The following PRC1 variants were observed in gnomAD, a reference collection of about 807,000 sequenced individuals.
PRC1 encodes anaphase spindle elongation 1 homolog.
A neutral mutation model predicts 91.2 loss-of-function variants in PRC1; 54 were observed. The ratio of observed to expected loss-of-function variants is 0.59; its 90% confidence interval spans 0.48 to 0.74. PRC1 has a LOEUF of 0.74. PRC1 is among the 30% of genes least tolerant of loss of function. The probability of loss-of-function intolerance (pLI) is 0.00; values close to 1 mark genes in which losing one functional copy is unlikely to be tolerated. For missense variants in PRC1, 727 were observed against 746.2 expected (o/e 0.97, Z 0.30); for synonymous variants, 275 against 263.6 (o/e 1.04, Z -0.42).
At chr15:90,994,286 C>T in intron 1 of PRC1, 121 bp downstream of exon 1, 2 of 1,483,460 alleles carry the variant, frequency 1.3e-6, no homozygotes, top group Non-Finnish European at 1.8e-6. Flanking sequence ...TCCCTCGGCG[C>T]CGACTGCCGT....
intron 11 of PRC1, among the ~76,000 whole-genome samples, chr15:90,972,287 G>A (rs903200582): frequency 1.3e-5 from 2 of 151,912 alleles, no homozygotes; most frequent in Middle Eastern, 3.4e-3. Flanking sequence ...GGGAGGCTGA[G>A]GTTAGAGAAT....
chr15:90,985,226 T>C (rs2039493837), intron 1 of PRC1, among the ~76,000 whole-genome samples: 1 of 152,082 alleles, frequency 6.6e-6, no homozygotes, highest in Admixed American at 6.5e-5. Flanking sequence ...TTGGTGTTTT[T>C]TTTTTGTTTT....
At chr15:90,981,717 C>T in intron 4 of PRC1, 31 bp downstream of exon 4, 5 of 1,608,924 alleles carry the variant, frequency 3.1e-6, no homozygotes, top group Non-Finnish European at 4.3e-6. Flanking sequence ...ACCAAAGTGA[C>T]TTTTAGGAAG....
intron 12 of PRC1, among the ~76,000 whole-genome samples, 173 bp downstream of exon 12, chr15:90,970,230 CA>C (rs1349268157): frequency 9.9e-5 from 15 of 152,168 alleles, no homozygotes; most frequent in Admixed American, 2.6e-4. Context: ...TCTTTTTTTG[CA>C]CGTTAGTTTT....
chr15:90,967,660 A>T, intron 14 of PRC1: 1 of 249,748 alleles, frequency 4.0e-6, no homozygotes, highest in Non-Finnish European at 6.5e-6. Context: ...ACAATTGCCT[A>T]CAGTATTCTT....
Position 90,991,786 on chromosome 15 carries a change from G to C in PRC1, c.11+2621C>G, listed in dbSNP as rs75154785. ...ACCACCACCAACTTCTTGCTGTATG[G>C]CAGGGGCCTCTTAACTGGTCTCCCG... On this transcript the variant is annotated intron_variant, in intron 1 of 14. Coordinates refer to ENST00000394249, the MANE Select transcript of PRC1 (RefSeq NM_003981.4). 9.0e-3 allele frequency among the ~76,000 whole-genome samples: 1,369 copies of C among 152,156 alleles called. 23 individuals carry two copies. Among genetic ancestry groups the C allele is most frequent in the African/African-American group, 0.031 (1,306 of 41,488 alleles).
intron 14 of PRC1, chr15:90,968,098 C>T (rs1244363500): frequency 1.0e-6 from 1 of 985,290 alleles, no homozygotes; most frequent in Non-Finnish European, 1.2e-6. Context: ...AGTCTATCAG[C>T]CATAGCAACC....
At chr15:90,971,890 T>C (rs890443387) in intron 11 of PRC1, among the ~76,000 whole-genome samples, 5 of 151,896 alleles carry the variant, frequency 3.3e-5, no homozygotes, top group Non-Finnish European at 5.9e-5. Flanking sequence ...TAGGTGGGCA[T>C]AGTGGCGCGG....
chr15:90,967,439 T>C (rs555361349), intron 14 of PRC1: 1 of 547,846 alleles, frequency 1.8e-6, no homozygotes, highest in East Asian at 3.1e-5. Context: ...AGCCAGTCCA[T>C]TCTGTTACAC....
chr15:90,984,633 G>C lies in PRC1; in HGVS notation c.144+60C>G. 6.3e-7 allele frequency: 1 copy of C among 1,592,132 alleles called. No homozygotes were observed. Among genetic ancestry groups the C allele is most frequent in the South Asian group, 1.1e-5 (1 of 89,204 alleles). ...ACATGTCCCTTCTGTATGCTATCTC[G>C]GGTGAGACACCAACATCCTTACCCT... is the stretch of plus-strand genomic sequence containing the variant. On this transcript the variant is annotated intron_variant, in intron 2 of 14. Transcript: ENST00000394249. The surrounding 1 kb of genome is among the most constrained non-coding windows in gnomAD (Gnocchi z 5.1).
intron 1 of PRC1, among the ~76,000 whole-genome samples, 186 bp downstream of exon 1, chr15:90,994,221 G>A (rs2040159732): frequency 6.6e-6 from 1 of 152,122 alleles, no homozygotes; most frequent in Admixed American, 6.5e-5. Context: ...TCTCACCGCC[G>A]CGGCCCTCGC....
At position 90,966,067 on chromosome 15, in the gene PRC1, AATTT is replaced by A. The variant is rs1347092986; in HGVS notation, c.*1060_*1063del. The A allele has an allele frequency of 6.6e-6, 1 of 152,248 alleles. No homozygotes were observed. The highest frequency in any genetic ancestry group is 2.4e-5 in the African/African-American group (1 of 41,446). 9.4% of individuals were successfully genotyped at this position (152,248 alleles called of 1,614,324 possible). A position where few individuals can be genotyped will look rare whatever the true frequency, so the allele number is the denominator to read the frequency against. On this transcript the variant is annotated 3_prime_UTR_variant, in exon 15 of 15. Coordinates refer to ENST00000394249, the MANE Select transcript of PRC1 (RefSeq NM_003981.4). ...TTTGAAATGTAAGTATACAGATTTTAATTTATTTTTAAGAATAATTGTATATTTT... is the reference window on the plus strand; with the variant it reads ...TTTGAAATGTAAGTATACAGATTTTAATTTTTAAGAATAATTGTATATTTT...
At chr15:90,990,394 T>A (rs927409984) in intron 1 of PRC1, among the ~76,000 whole-genome samples, 13 of 59,950 alleles carry the variant, frequency 2.2e-4, no homozygotes, top group African/African-American at 2.0e-3. Context: ...ATAAATAATT[T>A]TTTTTTTTTT....
chr15:90,987,644 C>T (rs2039680486), intron 1 of PRC1: 1 of 152,164 alleles, frequency 6.6e-6, no homozygotes, highest in African/African-American at 2.4e-5. Flanking sequence ...AACAGGACAA[C>T]TAAGACTGCC....
chr15:90,979,058 A>G, intron 8 of PRC1, 100 bp downstream of exon 8: 1 of 1,342,264 alleles, frequency 7.5e-7, no homozygotes, highest in Non-Finnish European at 1.0e-6. Flanking sequence ...AATGATAAAG[A>G]TGGGGTATCA....
intron 9 of PRC1, 74 bp downstream of exon 9, chr15:90,976,602 T>A (rs534498627): frequency 2.4e-6 from 3 of 1,247,834 alleles, no homozygotes; most frequent in Non-Finnish European, 3.5e-6. Context: ...GGCTAAACAA[T>A]AGAAAGAAAA....
intron 11 of PRC1, among the ~76,000 whole-genome samples, chr15:90,973,571 T>C (rs1363965979): frequency 2.0e-5 from 3 of 151,924 alleles, no homozygotes; most frequent in East Asian, 1.9e-4. Flanking sequence ...GTCTCCTGCA[T>C]GCCCCTGGGA....
intron 13 of PRC1, 75 bp downstream of exon 13, chr15:90,969,372 C>T: frequency 6.7e-7 from 1 of 1,495,882 alleles, no homozygotes. Flanking sequence ...AGCCTGGGTG[C>T]CCCTGGGAAG....
chr15:90,972,547 C>G (rs1567183249), intron 11 of PRC1, among the ~76,000 whole-genome samples: 1 of 152,032 alleles, frequency 6.6e-6, no homozygotes, highest in Non-Finnish European at 1.5e-5. Flanking sequence ...ATTCAAGACC[C>G]TAGCCAACAT....
Sources: gnomAD v4.1 joint callset for allele counts (sites outside exome capture counted in the v4.1 genomes callset) on GRCh38, gnomAD v4.1.1 for gene constraint, Gnocchi (gnomAD v3.1) non-coding constraint, MANE v1.5 for transcripts, NCBI Gene and HGNC (gene_info 2026-07-23, HGNC 2026-07-21) for gene names.